TRPV3: variants seen among roughly 807,000 people sequenced by gnomAD.
TRPV3 encodes the protein transient receptor potential cation channel subfamily V member 3.
A neutral mutation model predicts 87.1 loss-of-function variants in TRPV3; 88 were observed. That is an observed-to-expected ratio of 1.01 (90% confidence interval 0.85 to 1.21). The LOEUF is 1.21. Ranked by LOEUF, TRPV3 falls within the 50% of genes most tolerant of loss-of-function variation. The pLI is 0.00. For missense variants in TRPV3, 1,054 were observed against 1,030.1 expected, an observed-to-expected ratio of 1.02 and a Z score of -0.32; for synonymous variants, 438 against 423.3, an observed-to-expected ratio of 1.03 and a Z score of -0.43.
Position 3,548,735 on chromosome 17 carries a change from AG to A in TRPV3, c.120-3465del, listed in dbSNP as rs2074546770. On this transcript the variant is annotated intron_variant, in intron 2 of 17. Transcript: ENST00000576742. ...CTCCCAATCAAACCCTTCTTCCAAA[AG>A]GGAAGACAAAGGGAGGATTTAAACC... Among the ~76,000 whole-genome samples the A allele has an allele frequency of 2.6e-5, 4 of 152,288 alleles. No homozygotes were observed. The South Asian group carries it at 8.3e-4, about 32-fold the overall frequency.
Position 3,554,770 on chromosome 17 carries a change from T to C in TRPV3, c.81A>G (p.Pro27=). ...GGGTGATCTCCGCCGGCCTCTTCTC[T>C]GGCAGGATGGCAGGGTTCCCACTGG... ...AAPSGNPAIL[P]EKRPAEITPT... The change falls in exon 2 of 18, where the codon CCA becomes CCG. Residue 27 remains proline, a synonymous_variant. Transcript: ENST00000576742. 2 of 1,613,020 alleles carry C rather than the reference T, an allele frequency of 1.2e-6. No individual in the cohort carries two copies. Among genetic ancestry groups the C allele is most frequent in the Non-Finnish European group, 1.7e-6 (2 of 1,179,562 alleles).
chr17:3,512,433 CAGAG>C lies in TRPV3; in HGVS notation c.*1480_*1483del. ...GTGGCCCAGGGCAGAGAAACTGGCC[CAGAG>C]TGCACTGCTAGGCCCCGACTCTTCA... On this transcript the variant is annotated 3_prime_UTR_variant, in exon 18 of 18. Transcript: ENST00000576742. 1 of 152,216 alleles carries C rather than the reference CAGAG, an allele frequency of 6.6e-6. No individual in the cohort carries two copies. The highest frequency in any genetic ancestry group is 6.5e-5 in the Admixed American group (1 of 15,286). The allele number at this position is 152,216 out of a possible 1,614,324, so 9.4% of individuals were successfully genotyped here.
At chr17:3,534,786 C>T (rs2074384113) in intron 7 of TRPV3, among the ~76,000 whole-genome samples, 2 of 152,098 alleles carry the variant, frequency 1.3e-5, no homozygotes. Context: ...GAGGTCAGAG[C>T]TGGAGGCCAG....
At position 3,523,465 on chromosome 17, in the gene TRPV3, T is replaced by C. The variant is rs371116306; in HGVS notation, c.1743+733A>G. Among the ~76,000 whole-genome samples the C allele has an allele frequency of 6.6e-4, 100 of 152,268 alleles. No homozygotes were observed. In the East Asian group the frequency reaches 8.9e-3, roughly 14 times the overall value. On this transcript the variant is annotated intron_variant, in intron 13 of 17. Coordinates refer to ENST00000576742, the MANE Select transcript of TRPV3 (RefSeq NM_145068.4). ...CTGGCGCGGTGGTTCATGCCTGTAATCCCAGCACTTTGGGAGGCCGAGGCA... is the reference window on the plus strand; with the variant it reads ...CTGGCGCGGTGGTTCATGCCTGTAACCCCAGCACTTTGGGAGGCCGAGGCA...
In TRPV3 at chr17:3,535,626, T is replaced by C. The variant is rs1037101233; in HGVS notation, c.731A>G (p.His244Arg). ...LIAAGADVNA[H>R]AKGAFFNPKY... ...GGGGTTGAAGAAGGCCCCCTTGGCG[T>C]GCGCGTTGACGTCGGCGCCGGCGGC... The change falls in exon 7 of 18, where the codon CAC (histidine) becomes CGC (arginine). Residue 244 changes from histidine to arginine, a missense_variant. Coordinates refer to ENST00000576742, the MANE Select transcript of TRPV3 (RefSeq NM_145068.4). 7 of 1,609,460 alleles carry C rather than the reference T, an allele frequency of 4.3e-6. No homozygotes were observed. Among genetic ancestry groups the C allele is most frequent in the East Asian group, 2.3e-5 (1 of 44,086 alleles).
intron 15 of TRPV3, 54 bp from the exon 16 acceptor site, chr17:3,516,623 A>C (rs2150778821): frequency 7.8e-7 from 1 of 1,282,786 alleles, no homozygotes; most frequent in Non-Finnish European, 1.1e-6. Flanking sequence ...AAGCACACAC[A>C]AGGGCACACA....
At position 3,526,665 on chromosome 17, in the gene TRPV3, C is replaced by T. The variant is rs147814526; in HGVS notation, c.1577+189G>A. ...GCCCCACAGCCCTGAAGTTTTCTGA[C>T]CTTCTCCATGGGCATTTACGTGTCT... On this transcript the variant is annotated intron_variant, in intron 12 of 17. Transcript: ENST00000576742. 5.0e-3 allele frequency among the ~76,000 whole-genome samples: 754 copies of T among 152,252 alleles called. 3 individuals carry two copies. Among genetic ancestry groups the T allele is most frequent in the Non-Finnish European group, 7.4e-3 (502 of 68,010 alleles).
chr17:3,537,486 G>C (rs2074418062), intron 6 of TRPV3, among the ~76,000 whole-genome samples: 1 of 152,088 alleles, frequency 6.6e-6, no homozygotes, highest in African/African-American at 2.4e-5. Flanking sequence ...GCCCAGGCTG[G>C]TCTTGAATTC....
rs1243950966 is a variant in TRPV3 at position 3,513,699 on chromosome 17, G to GT, written c.*217dup. 5 of 484,168 alleles carry GT rather than the reference G, an allele frequency of 1.0e-5. No individual in the cohort carries two copies. The highest frequency in any genetic ancestry group is 1.8e-5 in the Non-Finnish European group (5 of 273,142). 30.0% of individuals were successfully genotyped at this position (484,168 alleles called of 1,614,324 possible). ...TGCTGGCTGTAGGTTTACACCAGCT[G>GT]TTTGCCAAGTAACAAAATCCAGGAT... On this transcript the variant is annotated 3_prime_UTR_variant, in exon 18 of 18. Transcript: ENST00000576742.
chr17:3,555,643 A>AGGGGTGT (rs2074621465), intron 1 of TRPV3, among the ~76,000 whole-genome samples: 1 of 149,392 alleles, frequency 6.7e-6, no homozygotes, highest in South Asian at 2.2e-4. Flanking sequence ...CTGAGCTCCG[A>AGGGGTGT]GGGGTGTGGG....
rs1452441235 is a variant in TRPV3 at position 3,512,056 on chromosome 17, CA to C, written c.*1860del. The C allele has an allele frequency of 6.6e-6, 1 of 152,228 alleles. No homozygotes were observed. Among genetic ancestry groups the C allele is most frequent in the Non-Finnish European group, 1.5e-5 (1 of 68,042 alleles). The allele number at this position is 152,228 out of a possible 1,614,324, so 9.4% of individuals were successfully genotyped here. A position where few individuals can be genotyped will look rare whatever the true frequency, so the allele number is the denominator to read the frequency against. ...AACTTCTTCCAATGACCATTTTCAA[CA>C]ACATTCCTCATTAAGTGCGCAACCA... On this transcript the variant is annotated 3_prime_UTR_variant, in exon 18 of 18. Transcript: ENST00000576742.
chr17:3,554,921 C>A, intron 1 of TRPV3, 69 bp from the exon 2 acceptor site: 1 of 1,034,354 alleles, frequency 9.7e-7, no homozygotes, highest in Non-Finnish European at 1.4e-6. Flanking sequence ...GTTTAGGGGC[C>A]CCATGTGGCT....
intron 2 of TRPV3, among the ~76,000 whole-genome samples, chr17:3,550,548 G>C (rs2074564362): frequency 1.1e-5 from 1 of 94,682 alleles, no homozygotes; most frequent in Non-Finnish European, 2.0e-5. Context: ...TTTTTGAGAT[G>C]GAGTCTCGCT....
rs533313816 is a variant in TRPV3 at position 3,556,006 on chromosome 17, G to A, written c.-2-1154C>T. ...AGCCTGGGCAACATGGTGAAACCCC[G>A]TCTCTACTAAAATACAAAAAATTAG... On this transcript the variant is annotated intron_variant, in intron 1 of 17. Transcript: ENST00000576742. This position sits in a 1 kb window ranked among gnomAD's most constrained non-coding sequence, Gnocchi z 4.2. 8.8e-4 allele frequency among the ~76,000 whole-genome samples: 134 copies of A among 151,884 alleles called. No homozygotes were observed. Among genetic ancestry groups the A allele is most frequent in the African/African-American group, 3.1e-3 (127 of 41,416 alleles).
At chr17:3,534,320 G>A (rs1429407458) in intron 7 of TRPV3, among the ~76,000 whole-genome samples, 2 of 152,070 alleles carry the variant, frequency 1.3e-5, no homozygotes, top group South Asian at 2.1e-4. Context: ...TTGAACCCAG[G>A]AGGCAGAGGC....
Position 3,544,545 on chromosome 17 carries a change from G to A in TRPV3, c.311+34C>T, listed in dbSNP as rs1355416906. 7 of 1,400,682 alleles carry A rather than the reference G, an allele frequency of 5.0e-6. 1 individual carries two copies. The highest frequency in any genetic ancestry group is 2.4e-5 in the South Asian group (2 of 83,066). The allele number at this position is 1,400,682 out of a possible 1,614,324, so 86.8% of individuals were successfully genotyped here. A position where few individuals can be genotyped will look rare whatever the true frequency, so the allele number is the denominator to read the frequency against. On this transcript the variant is annotated intron_variant, in intron 4 of 17. Coordinates refer to ENST00000576742, the MANE Select transcript of TRPV3 (RefSeq NM_145068.4). Reference sequence around the variant, plus strand: ...CTCTCTGGCACCCCCAGCCTGGGTGGGCACAGTGGGTGGAGGGGGAGGGGC... The same window carrying A: ...CTCTCTGGCACCCCCAGCCTGGGTGAGCACAGTGGGTGGAGGGGGAGGGGC...
At chr17:3,515,516 C>G (rs1182819808) in intron 16 of TRPV3, among the ~76,000 whole-genome samples, 1 of 152,098 alleles carries the variant, frequency 6.6e-6, no homozygotes, top group Non-Finnish European at 1.5e-5. Flanking sequence ...CAAAAATTAT[C>G]CAGGCGTGGT....
chr17:3,542,204 G>A (rs1369130337), intron 6 of TRPV3, among the ~76,000 whole-genome samples: 3 of 152,208 alleles, frequency 2.0e-5, no homozygotes, highest in Non-Finnish European at 4.4e-5. Context: ...TGATCCACCC[G>A]CCTCAGCCTC....
Position 3,518,783 on chromosome 17 carries a change from G to T in TRPV3, c.1878C>A (p.Ser626Arg), listed in dbSNP as rs12946883. The T allele has an allele frequency of 1.9e-6, 3 of 1,613,586 alleles. No individual in the cohort carries two copies. Among genetic ancestry groups the T allele is most frequent in the Non-Finnish European group, 2.5e-6 (3 of 1,179,830 alleles). Residue 626 changes from serine to arginine, a missense_variant, in exon 15 of 18, where the codon AGC (serine) becomes AGA (arginine). Coordinates refer to ENST00000576742, the MANE Select transcript of TRPV3 (RefSeq NM_145068.4). This position sits in a 1 kb window ranked among gnomAD's most constrained non-coding sequence, Gnocchi z 4.3. The stretch of plus-strand genomic sequence containing the variant: ...GCTTGAAGAGTTCCAGCACTGCGTC[G>T]CTGAAGCTGCCGTAGGAGCTGCAGT... ...NKDCSSYGSF[S>R]DAVLELFKLT...
Sources: allele counts gnomAD v4.1 joint callset (sites outside exome capture counted in the v4.1 genomes callset), GRCh38; gene constraint gnomAD v4.1.1; non-coding constraint Gnocchi (gnomAD v3.1); transcripts MANE v1.5; gene names NCBI Gene and HGNC (gene_info 2026-07-23, HGNC 2026-07-21).